The following NPY2R variants were observed in gnomAD, a reference collection of about 807,000 sequenced individuals.
NPY2R encodes neuropeptide Y receptor Y2, also known as neuropeptide Y receptor type 2.
In NPY2R, 17 loss-of-function variants were observed where a neutral mutation model predicts 22.3. That is an observed-to-expected ratio of 0.76 (90% CI 0.52 to 1.14). The LOEUF (loss-of-function observed/expected upper bound fraction) is 1.14. NPY2R is among the 50% of genes most tolerant of loss of function. The pLI, the probability that NPY2R is intolerant of heterozygous loss-of-function variation, is 0.00. For missense variants in NPY2R, 424 were observed against 467.9 expected, an observed-to-expected ratio of 0.91 and a Z score of 0.87; for synonymous variants, 209 against 183.4, an observed-to-expected ratio of 1.14 and a Z score of -1.13.
the NPY2R span, among the ~76,000 whole-genome samples, chr4:155,180,648 T>C: frequency 6.6e-6 from 1 of 152,090 alleles, no homozygotes; most frequent in Non-Finnish European, 1.5e-5. Context: ...AGTCTTCCCT[T>C]AAATCTTGGA....
At chr4:155,182,946 C>T in the NPY2R span, among the ~76,000 whole-genome samples, 2 of 152,092 alleles carry the variant, frequency 1.3e-5, no homozygotes, top group African/African-American at 4.8e-5. Context: ...GCGCCCATCA[C>T]TATGCCCGGC....
chr4:155,195,945 A>T, the NPY2R span, among the ~76,000 whole-genome samples: 1 of 152,078 alleles, frequency 6.6e-6, no homozygotes, highest in Non-Finnish European at 1.5e-5. Context: ...AGTGATGATA[A>T]GGAAAGTGTA....
At chr4:155,179,246 G>T in the NPY2R span, among the ~76,000 whole-genome samples, 4 of 122,800 alleles carry the variant, frequency 3.3e-5, no homozygotes, top group Non-Finnish European at 6.7e-5. Flanking sequence ...GTTTATGTCT[G>T]TTATCTGACA....
upstream of NPY2R, chr4:155,206,480 C>G (rs1273013277): frequency 6.6e-6 from 1 of 152,196 alleles, no homozygotes; most frequent in African/African-American, 2.4e-5. Context: ...CCACAGCTCT[C>G]CTTGATAATA....
chr4:155,183,087 C>G, the NPY2R span, among the ~76,000 whole-genome samples: 1 of 152,072 alleles, frequency 6.6e-6, no homozygotes, highest in African/African-American at 2.4e-5. Context: ...GCCACCATGC[C>G]CAGCCGAGCT....
the NPY2R span, among the ~76,000 whole-genome samples, chr4:155,196,223 T>A: frequency 6.6e-6 from 1 of 151,292 alleles, no homozygotes; most frequent in Admixed American, 6.6e-5. Context: ...TTTTTCTGCT[T>A]CTTCTTTTTT....
chr4:155,213,380 A>G (rs956809102), intron 1 of NPY2R, among the ~76,000 whole-genome samples: 1 of 152,206 alleles, frequency 6.6e-6, no homozygotes, highest in African/African-American at 2.4e-5. Flanking sequence ...ATCTGAGATA[A>G]TTCATAGTCC....
chr4:155,199,485 T>C, the NPY2R span, among the ~76,000 whole-genome samples: 6 of 152,080 alleles, frequency 3.9e-5, no homozygotes, highest in Non-Finnish European at 7.4e-5. Context: ...AAACTACTAT[T>C]GCCATTCTTC....
In NPY2R at chr4:155,214,931, A is replaced by G. The variant is rs779630889; in HGVS notation, c.992A>G (p.Asn331Ser). ...CTTCTCTATGGCTGGATGAACAGCA[A>G]CTACAGAAAGGCTTTCCTCTCGGCC... is the stretch of plus-strand genomic sequence containing the variant. ...NPLLYGWMNS[N>S]YRKAFLSAFR... The change falls in exon 2 of 2, where the codon AAC becomes AGC. Residue 331 changes from asparagine (N) to serine (S), a missense_variant. By Grantham distance (46) the Asn-to-Ser change is conservative. Transcript: ENST00000329476. The G allele has an allele frequency of 6.2e-7, 1 of 1,613,944 alleles. No individual in the cohort carries two copies. Among genetic ancestry groups the G allele is most frequent in the East Asian group, 2.2e-5 (1 of 44,892 alleles).
chr4:155,193,418 A>G, the NPY2R span, among the ~76,000 whole-genome samples: 7 of 151,900 alleles, frequency 4.6e-5, no homozygotes, highest in African/African-American at 1.7e-4. Flanking sequence ...TGTGTGAGCC[A>G]TTATTTATCC....
In NPY2R at chr4:155,214,365, A is replaced by G; in HGVS notation, c.426A>G (p.Thr142=). 6.2e-7 allele frequency: 1 copy of G among 1,614,126 alleles called. No homozygotes were observed. The part of the protein sequence containing the change: ...LAVQVSTITL[T]VIALDRHRCI... The stretch of plus-strand genomic sequence containing the variant: ...TACAAGTATCCACAATCACCTTGAC[A>G]GTAATTGCCCTGGACCGGCACAGGT... Residue 142 remains threonine, a synonymous_variant, in exon 2 of 2, where the codon ACA becomes ACG. Coordinates refer to ENST00000329476, the MANE Select transcript of NPY2R (RefSeq NM_000910.4).
chr4:155,213,792 C>T lies in NPY2R; in HGVS notation c.-48-100C>T, dbSNP rs981208377. The T allele has an allele frequency of 8.6e-6, 6 of 697,798 alleles. No individual in the cohort carries two copies. In the Admixed American group the frequency reaches 1.4e-4, roughly 16 times the overall value. The allele number at this position is 697,798 out of a possible 1,614,324, so 43.2% of individuals were successfully genotyped here. ...ATTTTGATCCCTAACCAAAATTAAA[C>T]CAGTCCATTTGTGAAATTTCTTTGC... On this transcript the variant is annotated intron_variant, in intron 1 of 1. Transcript: ENST00000329476.
chr4:155,193,120 A>G, the NPY2R span, among the ~76,000 whole-genome samples: 1 of 151,930 alleles, frequency 6.6e-6, no homozygotes, highest in African/African-American at 2.4e-5. Context: ...CCATTCAATA[A>G]TAATAGCCAA....
chr4:155,173,957 C>T, the NPY2R span, among the ~76,000 whole-genome samples: 12 of 152,118 alleles, frequency 7.9e-5, no homozygotes, highest in African/African-American at 2.6e-4. Context: ...TACTTTAATA[C>T]ATGTTTTAAT....
chr4:155,213,479 A>G (rs1729446310), intron 1 of NPY2R, among the ~76,000 whole-genome samples: 1 of 152,188 alleles, frequency 6.6e-6, no homozygotes, highest in South Asian at 2.1e-4. Context: ...GAAACAGTCA[A>G]GATAATGAAG....
chr4:155,197,923 G>T, the NPY2R span, among the ~76,000 whole-genome samples: 1 of 151,922 alleles, frequency 6.6e-6, no homozygotes, highest in South Asian at 2.1e-4. Context: ...ATGTGTGCCT[G>T]GCGGGCTCTG....
the NPY2R span, among the ~76,000 whole-genome samples, chr4:155,187,109 G>C: frequency 3.3e-4 from 51 of 152,250 alleles, no homozygotes; most frequent in African/African-American, 1.1e-3. Flanking sequence ...AGTTTATACT[G>C]ATGCAACAGA....
At chr4:155,191,108 GT>G in the NPY2R span, among the ~76,000 whole-genome samples, 1 of 151,810 alleles carries the variant, frequency 6.6e-6, no homozygotes, top group African/African-American at 2.4e-5. Context: ...GCACATTTGC[GT>G]TTTTGAAACC....
chr4:155,174,485 T>TATATATATACATATATA, the NPY2R span, among the ~76,000 whole-genome samples: 1 of 41,674 alleles, frequency 2.4e-5, no homozygotes, highest in Non-Finnish European at 5.0e-5. Context: ...TATATATATA[T>TATATATATACATATATA]TTTTTTTTTT....
Sources: gnomAD v4.1 joint callset for allele counts (sites outside exome capture counted in the v4.1 genomes callset) on GRCh38, gnomAD v4.1.1 for gene constraint, MANE v1.5 for transcripts, NCBI Gene and HGNC (gene_info 2026-07-23, HGNC 2026-07-21) for gene names.